Variants in MOB3B observed in about 807,000 individuals in gnomAD.
The protein encoded by MOB3B is MOB kinase activator-like 2B.
MOB3B carries 7 observed loss-of-function variants against 18.7 expected under a neutral mutation model. That is an observed-to-expected ratio of 0.37 (90% CI 0.21 to 0.70). The LOEUF (loss-of-function observed/expected upper bound fraction) is 0.70. MOB3B is among the 30% of genes least tolerant of loss of function. The probability of loss-of-function intolerance (pLI) is 0.52; values close to 1 mark genes in which losing one functional copy is unlikely to be tolerated. For synonymous variants in MOB3B, 111 were observed against 99.9 expected (o/e 1.11, Z -0.66); for missense variants, 253 against 281.3 (o/e 0.90, Z 0.72).
At chr9:27,445,640 G>A (rs948756951) in intron 2 of MOB3B, among the ~76,000 whole-genome samples, 4 of 152,184 alleles carry the variant, frequency 2.6e-5, no homozygotes, top group Admixed American at 6.5e-5. Context: ...AGGTAAGTCC[G>A]CAATATTTAG....
At position 27,330,440 on chromosome 9, in the gene MOB3B, G is replaced by C. The variant is rs1820769578; in HGVS notation, c.*147C>G. On this transcript the variant is annotated 3_prime_UTR_variant, in exon 4 of 4. Coordinates refer to ENST00000262244, the MANE Select transcript of MOB3B (RefSeq NM_024761.5). ...GTTAAGAGCACACAAAGTGAGTGGG[G>C]AATGTCTCTCAGGAGTCACTGCTTG... The C allele has an allele frequency of 4.1e-6, 4 of 982,900 alleles. No individual in the cohort carries two copies. Among genetic ancestry groups the C allele is most frequent in the Non-Finnish European group, 1.5e-6 (1 of 667,424 alleles). The allele number at this position is 982,900 out of a possible 1,614,324, so 60.9% of individuals were successfully genotyped here.
chr9:27,481,520 G>GTTTTTTTTTTT (rs1224985717), intron 1 of MOB3B, among the ~76,000 whole-genome samples: 12 of 91,718 alleles, frequency 1.3e-4, no homozygotes, highest in East Asian at 4.7e-4. Flanking sequence ...TGTTTTTTTT[G>GTTTTTTTTTTT]TTTTTTTTTT....
chr9:27,332,156 C>G (rs191575114), intron 3 of MOB3B, among the ~76,000 whole-genome samples: 1 of 152,268 alleles, frequency 6.6e-6, no homozygotes, highest in East Asian at 1.9e-4. Context: ...CCACACCTGG[C>G]TAGTTTTTAA....
At chr9:27,354,573 T>C (rs1455022403) in intron 3 of MOB3B, among the ~76,000 whole-genome samples, 1 of 152,100 alleles carries the variant, frequency 6.6e-6, no homozygotes, top group Non-Finnish European at 1.5e-5. Context: ...TAAGTGGAGG[T>C]CTGCATGCAT....
intron 1 of MOB3B, chr9:27,524,413 T>C (rs756604802): frequency 1.9e-6 from 3 of 1,614,112 alleles, no homozygotes; most frequent in Admixed American, 1.7e-5. Context: ...GCTGGCACCC[T>C]ATCCCTGGAC....
At chr9:27,357,887 A>C (rs35392759) in intron 3 of MOB3B, among the ~76,000 whole-genome samples, 2,773 of 88,898 alleles carry the variant, frequency 0.031, 154 homozygotes, top group African/African-American at 0.13. Flanking sequence ...TCCCATCGCT[A>C]CAAAAAAAAA....
intron 2 of MOB3B, among the ~76,000 whole-genome samples, chr9:27,396,343 C>T (rs1389948069): frequency 2.0e-5 from 3 of 152,104 alleles, no homozygotes; most frequent in East Asian, 1.9e-4. Flanking sequence ...GGAACTGCTC[C>T]CTCAGTCACT....
intron 1 of MOB3B, chr9:27,524,940 G>A (rs1272114905): frequency 1.9e-6 from 3 of 1,598,392 alleles, no homozygotes; most frequent in African/African-American, 2.7e-5. Flanking sequence ...CAAATTTACA[G>A]CTCTATTCAG....
At chr9:27,333,105 G>A (rs952351611) in intron 3 of MOB3B, among the ~76,000 whole-genome samples, 1 of 152,062 alleles carries the variant, frequency 6.6e-6, no homozygotes, top group African/African-American at 2.4e-5. Context: ...CTAGAAATAT[G>A]GCAGAGTTTT....
chr9:27,484,886 C>A (rs1819711667), intron 1 of MOB3B, among the ~76,000 whole-genome samples: 1 of 152,124 alleles, frequency 6.6e-6, no homozygotes, highest in South Asian at 2.1e-4. Context: ...GTTGAGGTAT[C>A]CACTTTAGAA....
chr9:27,365,454 C>T (rs989641329), intron 2 of MOB3B, among the ~76,000 whole-genome samples: 2 of 149,684 alleles, frequency 1.3e-5, no homozygotes, highest in African/African-American at 4.9e-5. Flanking sequence ...ACCAGCAGTC[C>T]TAACTGAAAT....
intron 1 of MOB3B, among the ~76,000 whole-genome samples, chr9:27,481,671 G>A (rs1454916675): frequency 4.6e-5 from 7 of 151,744 alleles, no homozygotes; most frequent in East Asian, 1.9e-4. Context: ...GACTACAGGC[G>A]CCCGCCACCA....
chr9:27,481,135 G>A (rs1039435040), intron 1 of MOB3B, among the ~76,000 whole-genome samples: 6 of 152,122 alleles, frequency 3.9e-5, no homozygotes, highest in African/African-American at 1.4e-4. Context: ...TTTCAGAGTG[G>A]TGCAGAAGAA....
chr9:27,490,979 CTTT>C (rs10602930), intron 1 of MOB3B, among the ~76,000 whole-genome samples: 41 of 150,158 alleles, frequency 2.7e-4, no homozygotes, highest in Middle Eastern at 6.9e-3. Context: ...ATCATACAGC[CTTT>C]TTTTTTTTTA....
chr9:27,445,951 G>A (rs560332584), intron 2 of MOB3B, among the ~76,000 whole-genome samples: 1 of 152,214 alleles, frequency 6.6e-6, no homozygotes, highest in South Asian at 2.1e-4. Flanking sequence ...CTGACGACCT[G>A]GGCTGGATGA....
chr9:27,449,296 T>G (rs1206327764), intron 2 of MOB3B, among the ~76,000 whole-genome samples: 1 of 152,218 alleles, frequency 6.6e-6, no homozygotes, highest in Admixed American at 6.5e-5. Flanking sequence ...GGTTCAAAAA[T>G]TGTCTAATAG....
intron 1 of MOB3B, among the ~76,000 whole-genome samples, chr9:27,494,734 C>T (rs569184092): frequency 4.3e-4 from 65 of 152,098 alleles, no homozygotes; most frequent in Middle Eastern, 6.8e-3. Context: ...AGGCTGGTCT[C>T]GAACTCCTGA....
At chr9:27,354,401 A>G (rs1441489144) in intron 3 of MOB3B, among the ~76,000 whole-genome samples, 1 of 152,224 alleles carries the variant, frequency 6.6e-6, no homozygotes, top group East Asian at 1.9e-4. Context: ...TTCCTGGGTG[A>G]TCTATCTGGA....
chr9:27,344,593 G>A (rs7852428), intron 3 of MOB3B, among the ~76,000 whole-genome samples: 146,119 of 152,236 alleles, frequency 0.96, 70,421 homozygotes, highest in East Asian at 1. Context: ...GTGAGTTCCA[G>A]AGAAAGAGGA....
Sources: gnomAD v4.1 joint callset for allele counts (sites outside exome capture counted in the v4.1 genomes callset) on GRCh38, gnomAD v4.1.1 for gene constraint, MANE v1.5 for transcripts, NCBI Gene and HGNC (gene_info 2026-07-23, HGNC 2026-07-21) for gene names.